SMG1: variants seen among roughly 807,000 people sequenced by gnomAD.
SMG1 encodes the protein SMG1 nonsense mediated mRNA decay associated PI3K related kinase.
A neutral mutation model predicts 419.9 loss-of-function variants in SMG1; 22 were observed. The observed-to-expected ratio is 0.05, with a 90% CI of 0.04 to 0.07. SMG1 has a LOEUF of 0.07. Ranked by LOEUF, SMG1 falls within the 10% of genes least tolerant of loss-of-function variation. The pLI is 1.00. For synonymous variants in SMG1, 1,538 were observed against 1,553.5 expected, an observed-to-expected ratio of 0.99 and a Z score of 0.23; for missense variants, 3,185 against 4,342.0, an observed-to-expected ratio of 0.73 and a Z score of 7.49.
Position 18,809,608 on chromosome 16 carries a change from G to A in SMG1, c.10947C>T (p.Asn3649=). The A allele has an allele frequency of 1.2e-6, 2 of 1,611,248 alleles. No individual in the cohort carries two copies. The highest frequency in any genetic ancestry group is 1.7e-6 in the Non-Finnish European group (2 of 1,178,710). ...YVIKEATNLD[N]LAQLYEGWTA... ...TCCAACCTTCATACAGCTGAGCCAA[G>A]TTATCTAGATTAGTTGCTTCCTTAA... The change falls in exon 63 of 63, where the codon AAC becomes AAT. Residue 3649 remains asparagine (N), a synonymous_variant. Transcript: ENST00000446231.
chr16:18,917,599 T>C (rs941565102), intron 1 of SMG1, among the ~76,000 whole-genome samples: 1 of 151,176 alleles, frequency 6.6e-6, no homozygotes, highest in African/African-American at 2.4e-5. Flanking sequence ...TTTTTTCAGA[T>C]GGAGTCTTGC....
chr16:18,914,675 A>G (rs1279222341), intron 1 of SMG1, among the ~76,000 whole-genome samples: 1 of 152,044 alleles, frequency 6.6e-6, no homozygotes, highest in African/African-American at 2.4e-5. Context: ...CAAATAAAAT[A>G]AAATAAAGAA....
chr16:18,917,334 G>A (rs564063992), intron 1 of SMG1, among the ~76,000 whole-genome samples: 1 of 151,600 alleles, frequency 6.6e-6, no homozygotes, highest in Non-Finnish European at 1.5e-5. Flanking sequence ...TGTATTTTTA[G>A]TAGACATGGG....
rs2038406159 is a variant in SMG1, at chr16:18,926,238, A to G, written c.-197T>C. 5 of 555,774 alleles carry G rather than the reference A, an allele frequency of 9.0e-6. No homozygotes were observed. The allele number at this position is 555,774 out of a possible 1,614,324, so 34.4% of individuals were successfully genotyped here. A position where few individuals can be genotyped will look rare whatever the true frequency, so the allele number is the denominator to read the frequency against. On this transcript the variant is annotated 5_prime_UTR_variant, in exon 1 of 63. Coordinates refer to ENST00000446231, the MANE Select transcript of SMG1 (RefSeq NM_015092.5). Reference sequence around the variant, plus strand: ...GGACGGCCGTTCCGGGTTCCGCCTGAGCCCGCAGCGCAGGACGAGGAGGCG... The same window carrying G: ...GGACGGCCGTTCCGGGTTCCGCCTGGGCCCGCAGCGCAGGACGAGGAGGCG...
At chr16:18,815,767 C>T in intron 58 of SMG1, 116 bp from the exon 59 acceptor site, 1 of 735,682 alleles carries the variant, frequency 1.4e-6, no homozygotes, top group Non-Finnish European at 2.1e-6. Flanking sequence ...GTTTAAACTG[C>T]TTAGTTCAAC....
intron 6 of SMG1, among the ~76,000 whole-genome samples, chr16:18,888,527 G>A (rs922702942): frequency 3.3e-5 from 5 of 151,500 alleles, no homozygotes; most frequent in Non-Finnish European, 1.5e-5. Context: ...CCAGGCAATG[G>A]TGTGATCTCG....
chr16:18,839,652 C>CAAAAAAAAAAAAAAAAAA, intron 42 of SMG1, 46 bp downstream of exon 42: 1 of 1,601,432 alleles, frequency 6.2e-7, no homozygotes. Context: ...AGGTAGCAGG[C>CAAAAAAAAAAAAAAAAAA]AAAAGAAATA....
intron 57 of SMG1, among the ~76,000 whole-genome samples, chr16:18,817,014 C>G (rs2032059782): frequency 6.7e-6 from 1 of 149,780 alleles, no homozygotes; most frequent in Non-Finnish European, 1.5e-5. Flanking sequence ...TACATATCGT[C>G]TTTCTCCTCC....
chr16:18,878,512 T>G (rs1444916551), intron 11 of SMG1: 1 of 148,312 alleles, frequency 6.7e-6, no homozygotes, highest in Non-Finnish European at 1.5e-5. Context: ...GGAGGCTGAG[T>G]GGGAAGATCA....
intron 39 of SMG1, among the ~76,000 whole-genome samples, chr16:18,844,428 AAAAACAAAC>A (rs1488046619): frequency 2.1e-5 from 3 of 144,976 alleles, no homozygotes; most frequent in Middle Eastern, 7.1e-3. Flanking sequence ...CATCTCAAAA[AAAAACAAAC>A]AAAACAAACA....
chr16:18,912,622 CTT>C (rs1219652758), intron 1 of SMG1, among the ~76,000 whole-genome samples: 1 of 152,066 alleles, frequency 6.6e-6, no homozygotes, highest in Non-Finnish European at 1.5e-5. Flanking sequence ...TAAAAGGTAT[CTT>C]TTACAAAATT....
rs1022471981 is a variant in SMG1 at position 18,842,894 on chromosome 16, T to C, written c.6220-440A>G. Among the ~76,000 whole-genome samples, 9 of 152,184 alleles carry C rather than the reference T, an allele frequency of 5.9e-5. 1 individual carries two copies. Among genetic ancestry groups the C allele is most frequent in the Non-Finnish European group, 1.3e-4 (9 of 68,036 alleles). On this transcript the variant is annotated intron_variant, in intron 39 of 62. Transcript: ENST00000446231. Reference sequence around the variant, plus strand: ...TATCTGCTGTTCTTATTTCTACATTTAACTCAGTACTGGGATCTGGGCCAT... The same window carrying C: ...TATCTGCTGTTCTTATTTCTACATTCAACTCAGTACTGGGATCTGGGCCAT...
intron 18 of SMG1, 131 bp from the exon 19 acceptor site, chr16:18,870,125 T>C: frequency 1.6e-6 from 1 of 614,134 alleles, no homozygotes; most frequent in South Asian, 2.0e-5. Context: ...TTCAAATGGA[T>C]ACAGAGATGT....
chr16:18,889,985 T>C (rs2141799690), intron 5 of SMG1, among the ~76,000 whole-genome samples: 1 of 152,298 alleles, frequency 6.6e-6, no homozygotes, highest in East Asian at 1.9e-4. Context: ...AATAGTTAAA[T>C]ACAGAAACTT....
chr16:18,839,276 A>G (rs2033770363), intron 42 of SMG1, among the ~76,000 whole-genome samples: 1 of 152,058 alleles, frequency 6.6e-6, no homozygotes, highest in Non-Finnish European at 1.5e-5. Context: ...TGATGTACAC[A>G]TTATTCTGTC....
chr16:18,910,862 G>A (rs1003919137), intron 1 of SMG1, among the ~76,000 whole-genome samples: 2 of 152,044 alleles, frequency 1.3e-5, no homozygotes, highest in African/African-American at 4.8e-5. Context: ...TATATACACA[G>A]CCATACACAC....
Position 18,847,802 on chromosome 16 carries a change from G to A in SMG1, c.5841+14C>T, listed in dbSNP as rs1367921088. On this transcript the variant is annotated intron_variant, in intron 37 of 62. Transcript: ENST00000446231. The stretch of plus-strand genomic sequence containing the variant: ...TATAAAAAATTCTTCTACAACATGT[G>A]AGTTTCTTTGTACCTGTAATACCAT... 1 of 1,608,786 alleles carries A rather than the reference G, an allele frequency of 6.2e-7. No individual in the cohort carries two copies.
chr16:18,839,342 C>T (rs71382570), intron 42 of SMG1, among the ~76,000 whole-genome samples: 1 of 152,120 alleles, frequency 6.6e-6, no homozygotes, highest in East Asian at 1.9e-4. Context: ...CACCCTCCTC[C>T]TGCCCCCCAC....
chr16:18,914,166 CAA>C (rs34200283), intron 1 of SMG1, among the ~76,000 whole-genome samples: 7 of 108,484 alleles, frequency 6.5e-5, no homozygotes, highest in African/African-American at 7.0e-5. Flanking sequence ...AACTCCATCT[CAA>C]AAAAAAAAAA....
Sources: gnomAD v4.1 joint callset for allele counts (sites outside exome capture counted in the v4.1 genomes callset) on GRCh38, gnomAD v4.1.1 for gene constraint, MANE v1.5 for transcripts, NCBI Gene and HGNC (gene_info 2026-07-23, HGNC 2026-07-21) for gene names.